SULF2: variants seen among roughly 807,000 people sequenced by gnomAD.
The protein encoded by SULF2 is extracellular sulfatase Sulf-2.
SULF2 carries 52 observed loss-of-function variants against 107.7 expected under a neutral mutation model. The observed-to-expected ratio is 0.48, with a 90% CI of 0.39 to 0.61. The LOEUF is 0.61. Ranked by LOEUF, SULF2 falls within the 20% of genes least tolerant of loss-of-function variation. SULF2 has a pLI of 0.00. For synonymous variants in SULF2, 460 were observed against 464.3 expected (o/e 0.99, Z 0.12); for missense variants, 993 against 1,177.3 (o/e 0.84, Z 2.29).
chr20:47,785,636 C>G (rs1458575849), upstream of SULF2: 2 of 147,106 alleles, frequency 1.4e-5, no homozygotes, highest in East Asian at 4.0e-4. Flanking sequence ...CCAGCCCGGC[C>G]GGCCACGCTG....
intron 2 of SULF2, among the ~76,000 whole-genome samples, chr20:47,756,395 G>T (rs1489339605): frequency 6.6e-6 from 1 of 152,174 alleles, no homozygotes; most frequent in African/African-American, 2.4e-5. Context: ...CTATACTTGT[G>T]ATCATTAATA....
At chr20:47,783,246 A>G (rs2090863850) in intron 1 of SULF2, among the ~76,000 whole-genome samples, 1 of 152,200 alleles carries the variant, frequency 6.6e-6, no homozygotes, top group Non-Finnish European at 1.5e-5. Flanking sequence ...AGAAATGCTG[A>G]TATTTTTCTG....
chr20:47,673,921 A>T (rs191406028), intron 10 of SULF2, among the ~76,000 whole-genome samples: 20 of 152,232 alleles, frequency 1.3e-4, no homozygotes, highest in Non-Finnish European at 2.5e-4. Flanking sequence ...CCTCCTGTCC[A>T]CTTAGCTCTC....
At chr20:47,669,807 T>C (rs1159199148) in intron 11 of SULF2, among the ~76,000 whole-genome samples, 1 of 152,214 alleles carries the variant, frequency 6.6e-6, no homozygotes, top group Non-Finnish European at 1.5e-5. Flanking sequence ...TAGGTATTTT[T>C]CTTTCCTCTA....
chr20:47,717,406 C>G (rs1193071939), intron 3 of SULF2, among the ~76,000 whole-genome samples: 1 of 152,308 alleles, frequency 6.6e-6, no homozygotes, highest in Admixed American at 6.5e-5. Flanking sequence ...TGGTGACTAC[C>G]CTGTTCAGCC....
At chr20:47,737,026 C>A in intron 2 of SULF2, 84 bp from the exon 3 acceptor site, 1 of 1,585,476 alleles carries the variant, frequency 6.3e-7, no homozygotes, top group South Asian at 1.2e-5. Flanking sequence ...CGTGGCATCC[C>A]TAGGTCTGGA....
At chr20:47,760,604 C>T (rs1375484514) in intron 1 of SULF2, among the ~76,000 whole-genome samples, 1 of 152,184 alleles carries the variant, frequency 6.6e-6, no homozygotes, top group Non-Finnish European at 1.5e-5. Context: ...TGCCCTGATG[C>T]GCACCCTAAT....
intron 3 of SULF2, among the ~76,000 whole-genome samples, chr20:47,705,373 T>C (rs1056043367): frequency 3.3e-5 from 5 of 152,184 alleles, no homozygotes; most frequent in East Asian, 1.9e-4. Context: ...GTCTGAGTCA[T>C]ATCCAGTTTT....
chr20:47,687,705 ATG>A (rs1347814525), intron 5 of SULF2, among the ~76,000 whole-genome samples: 1 of 147,474 alleles, frequency 6.8e-6, no homozygotes, highest in Non-Finnish European at 1.5e-5. Flanking sequence ...GTGTGTCTGC[ATG>A]TGTGTGTTTT....
In SULF2 at chr20:47,757,410, C is replaced by T; in HGVS notation, c.-47G>A. The T allele has an allele frequency of 6.6e-7, 1 of 1,519,178 alleles. No homozygotes were observed. The highest frequency in any genetic ancestry group is 2.4e-5 in the East Asian group (1 of 40,968). 94.1% of individuals were successfully genotyped at this position (1,519,178 alleles called of 1,614,324 possible). A position where few individuals can be genotyped will look rare whatever the true frequency, so the allele number is the denominator to read the frequency against. The stretch of plus-strand genomic sequence containing the variant: ...TGCTTCTTTTGGGATGCGGGAGTCT[C>T]AAGTTGCGTCTGTGGCTTTGTTTCT... On this transcript the variant is annotated 5_prime_UTR_variant, in exon 2 of 21. Coordinates refer to ENST00000688720, the MANE Select transcript of SULF2 (RefSeq NM_001387048.1).
intron 1 of SULF2, among the ~76,000 whole-genome samples, chr20:47,783,730 T>C (rs958570198): frequency 6.6e-6 from 1 of 152,186 alleles, no homozygotes; most frequent in African/African-American, 2.4e-5. Flanking sequence ...CCTTTATGTA[T>C]ATAAATTTAG....
intron 5 of SULF2, chr20:47,685,351 A>C (rs2087962302): frequency 6.6e-6 from 1 of 151,964 alleles, no homozygotes; most frequent in South Asian, 2.1e-4. Context: ...CAGCCTCCCA[A>C]GTAGCTGGGA....
intron 3 of SULF2, among the ~76,000 whole-genome samples, chr20:47,728,440 T>G (rs568986973): frequency 2.8e-5 from 4 of 143,516 alleles, no homozygotes; most frequent in African/African-American, 7.9e-5. Flanking sequence ...ATGGTGGGAG[T>G]GGGGGTGGAG....
intron 2 of SULF2, among the ~76,000 whole-genome samples, chr20:47,751,718 C>T (rs13042713): frequency 0.013 from 2,011 of 152,260 alleles, 19 homozygotes; most frequent in Non-Finnish European, 0.021. Context: ...ATAAAGTCCC[C>T]TTTTTGATTC....
intron 2 of SULF2, among the ~76,000 whole-genome samples, chr20:47,756,649 T>C (rs1017983328): frequency 6.8e-6 from 1 of 147,996 alleles, no homozygotes; most frequent in African/African-American, 2.5e-5. Flanking sequence ...TGTCTCATCT[T>C]TTTTTTTTTT....
chr20:47,739,015 G>T (rs374002431), intron 2 of SULF2, among the ~76,000 whole-genome samples: 27 of 152,306 alleles, frequency 1.8e-4, no homozygotes, highest in Middle Eastern at 3.4e-3. Context: ...GAGACTGGAG[G>T]GATGCACATA....
chr20:47,694,661 C>G lies in SULF2; in HGVS notation c.568-4366G>C, dbSNP rs1171556843. ...GCCTCAGGTGATTCCTGCAGGCATCCACAAGCTTCACCGACTGAGTAGCTA... is the reference window on the plus strand; with the variant it reads ...GCCTCAGGTGATTCCTGCAGGCATCGACAAGCTTCACCGACTGAGTAGCTA... On this transcript the variant is annotated intron_variant, in intron 4 of 20. Coordinates refer to ENST00000688720, the MANE Select transcript of SULF2 (RefSeq NM_001387048.1). This position sits in a 1 kb window ranked among gnomAD's most constrained non-coding sequence, Gnocchi z 4.4. 6.6e-6 allele frequency among the ~76,000 whole-genome samples: 1 copy of G among 152,284 alleles called. No individual in the cohort carries two copies. The highest frequency in any genetic ancestry group is 2.4e-5 in the African/African-American group (1 of 41,558).
At chr20:47,779,410 C>CT (rs1265957726) in intron 1 of SULF2, among the ~76,000 whole-genome samples, 12 of 152,124 alleles carry the variant, frequency 7.9e-5, no homozygotes, top group African/African-American at 2.9e-4. Context: ...CAAAATACAT[C>CT]TCCAATCCCC....
In SULF2 at chr20:47,684,587, G is replaced by A. The variant is rs116479865; in HGVS notation, c.738-6C>T. ...CGTAGTTGTAGCTCGGCGTGCTGGT[G>A]GGCAAGGACATACACATCGGTCAAA... On this transcript the variant is annotated splice_region_variant and splice_polypyrimidine_tract_variant and intron_variant, in intron 5 of 20. Transcript: ENST00000688720. 835 of 1,613,176 alleles carry A rather than the reference G, an allele frequency of 5.2e-4. 4 individuals carry two copies. The African/African-American group carries it at 9.3e-3, about 18-fold the overall frequency.
Sources: gnomAD v4.1 joint callset for allele counts (sites outside exome capture counted in the v4.1 genomes callset) on GRCh38, gnomAD v4.1.1 for gene constraint, Gnocchi (gnomAD v3.1) non-coding constraint, MANE v1.5 for transcripts, NCBI Gene and HGNC (gene_info 2026-07-23, HGNC 2026-07-21) for gene names.